KIF13B: variants seen among roughly 807,000 people sequenced by gnomAD.
KIF13B encodes kinesin-like protein KIF13B.
KIF13B carries 127 observed loss-of-function variants against 222.0 expected under a neutral mutation model. The ratio of observed to expected loss-of-function variants is 0.57; its 90% CI spans 0.50 to 0.66. KIF13B has a LOEUF of 0.66. KIF13B is among the 30% of genes least tolerant of loss of function. The pLI, the probability that KIF13B is intolerant of heterozygous loss-of-function variation, is 0.00. For missense variants in KIF13B, 2,173 were observed against 2,379.0 expected (o/e 0.91, Z 1.80); for synonymous variants, 976 against 919.0 (o/e 1.06, Z -1.12).
At chr8:29,105,650 G>GT (rs869030059) in intron 35 of KIF13B, among the ~76,000 whole-genome samples, 1,897 of 77,890 alleles carry the variant, frequency 0.024, 567 homozygotes, top group African/African-American at 0.064. Context: ...AGTTTGTTTG[G>GT]TTTTTTTTTT....
At chr8:29,183,875 G>C (rs1268871037) in intron 6 of KIF13B, among the ~76,000 whole-genome samples, 1 of 152,140 alleles carries the variant, frequency 6.6e-6, no homozygotes, top group East Asian at 1.9e-4. Context: ...TGAATGACTA[G>C]CACAGAAGCT....
chr8:29,115,146 A>G (rs989500257), intron 31 of KIF13B, among the ~76,000 whole-genome samples: 2 of 152,096 alleles, frequency 1.3e-5, no homozygotes. Context: ...TTAGGGGTGG[A>G]GATTACATCT....
intron 13 of KIF13B, among the ~76,000 whole-genome samples, chr8:29,158,391 CT>C (rs1421184988): frequency 1.3e-5 from 2 of 152,170 alleles, no homozygotes; most frequent in Non-Finnish European, 2.9e-5. Context: ...ATCTCAGTCT[CT>C]TTATTGATAG....
chr8:29,196,638 T>C (rs529478527), intron 2 of KIF13B, among the ~76,000 whole-genome samples: 1 of 152,324 alleles, frequency 6.6e-6, no homozygotes, highest in Non-Finnish European at 1.5e-5. Context: ...TACAAAACAA[T>C]GAATTCTATT....
chr8:29,105,897 G>T (rs1015189992), intron 35 of KIF13B, among the ~76,000 whole-genome samples: 9 of 151,984 alleles, frequency 5.9e-5, no homozygotes, highest in African/African-American at 1.9e-4. Flanking sequence ...GACCTCAGGT[G>T]ATCCACCTGC....
intron 10 of KIF13B, among the ~76,000 whole-genome samples, chr8:29,174,338 C>T (rs925479981): frequency 9.9e-5 from 15 of 152,000 alleles, no homozygotes; most frequent in African/African-American, 3.6e-4. Context: ...TTGCAGTTTG[C>T]TTGTTTTTCT....
intron 31 of KIF13B, among the ~76,000 whole-genome samples, chr8:29,115,220 G>C (rs927902480): frequency 6.6e-6 from 1 of 151,898 alleles, no homozygotes; most frequent in African/African-American, 2.4e-5. Flanking sequence ...ACTGGTTTTA[G>C]TCAGTGTATT....
At chr8:29,124,568 C>A (rs1233510303) in intron 26 of KIF13B, among the ~76,000 whole-genome samples, 3 of 151,638 alleles carry the variant, frequency 2.0e-5, no homozygotes, top group East Asian at 2.0e-4. Context: ...GCTAACACAG[C>A]GAAACCCTGT....
At chr8:29,169,932 A>G (rs143828865) in intron 10 of KIF13B, among the ~76,000 whole-genome samples, 10 of 152,356 alleles carry the variant, frequency 6.6e-5, no homozygotes, top group African/African-American at 2.4e-4. Flanking sequence ...ATTTGTAACG[A>G]TAACTACCAA....
At chr8:29,155,021 CAG>C (rs1357397524) in intron 14 of KIF13B, among the ~76,000 whole-genome samples, 1 of 152,142 alleles carries the variant, frequency 6.6e-6, no homozygotes, top group African/African-American at 2.4e-5. Flanking sequence ...AACTCTGTAA[CAG>C]GGGATAACAG....
rs529676673 is a variant in KIF13B at position 29,147,625 on chromosome 8, T to A, written c.1814-23A>T. Reference sequence around the variant, plus strand: ...GATCTAAACACATTTTTAAAAAAGATACATGATCGAGAGTTACAACATAAT... The same window carrying A: ...GATCTAAACACATTTTTAAAAAAGAAACATGATCGAGAGTTACAACATAAT... On this transcript the variant is annotated intron_variant, in intron 16 of 39. Coordinates refer to ENST00000524189, the MANE Select transcript of KIF13B (RefSeq NM_015254.4). The A allele has an allele frequency of 5.8e-5, 90 of 1,541,056 alleles. 2 individuals carry two copies. The African/African-American group carries it at 1.1e-3, about 18-fold the overall frequency.
In KIF13B at chr8:29,245,473, T is replaced by A. The variant is rs1344948671; in HGVS notation, c.56-34A>T. 2.1e-6 allele frequency: 3 copies of A among 1,459,066 alleles called. No individual in the cohort carries two copies. In the African/African-American group the frequency reaches 4.3e-5, roughly 21 times the overall value. 90.4% of individuals were successfully genotyped at this position (1,459,066 alleles called of 1,614,324 possible). On this transcript the variant is annotated intron_variant, in intron 1 of 39. Coordinates refer to ENST00000524189, the MANE Select transcript of KIF13B (RefSeq NM_015254.4). ...AAAAAAACAAGAAAAACAGTCATTT[T>A]AAAAAGTAATTTATTTCAGAAAAGG...
intron 37 of KIF13B, among the ~76,000 whole-genome samples, chr8:29,091,136 T>A (rs1808281800): frequency 6.6e-6 from 1 of 152,220 alleles, no homozygotes; most frequent in Non-Finnish European, 1.5e-5. Flanking sequence ...TAAAAATTGC[T>A]TATGAAATCT....
Position 29,155,741 on chromosome 8 carries a change from G to A in KIF13B, c.1520C>T (p.Pro507Leu). The A allele has an allele frequency of 1.2e-6, 2 of 1,605,578 alleles. No individual in the cohort carries two copies. Among genetic ancestry groups the A allele is most frequent in the Non-Finnish European group, 1.7e-6 (2 of 1,175,464 alleles). ...ITSEGQVMLT[P>L]QKNTRTFVNG... is the part of the protein sequence containing the mutation. ...AGTATGTTACCTGGTGTTCTTCTGAGGAGTCAGCATAACCTGGCCTTCTGA... is the reference window on the plus strand; with the variant it reads ...AGTATGTTACCTGGTGTTCTTCTGAAGAGTCAGCATAACCTGGCCTTCTGA... The change falls in exon 14 of 40, where the codon CCT becomes CTT. Residue 507 changes from proline (P) to leucine (L), a missense_variant. Transcript: ENST00000524189.
At chr8:29,111,744 C>T (rs988929730) in intron 32 of KIF13B, among the ~76,000 whole-genome samples, 2 of 152,210 alleles carry the variant, frequency 1.3e-5, no homozygotes, top group Admixed American at 1.3e-4. Context: ...CAGTTTCCTA[C>T]AGCCATCACC....
chr8:29,185,833 G>A (rs940833414), intron 6 of KIF13B, among the ~76,000 whole-genome samples: 1 of 152,162 alleles, frequency 6.6e-6, no homozygotes, highest in East Asian at 1.9e-4. Context: ...AAACTCTGTG[G>A]AATGAACAGA....
At chr8:29,175,860 C>T (rs1812454454) in intron 10 of KIF13B, among the ~76,000 whole-genome samples, 1 of 152,180 alleles carries the variant, frequency 6.6e-6, no homozygotes, top group Non-Finnish European at 1.5e-5. Flanking sequence ...CCCACTGCAT[C>T]CAGGTTCTAG....
chr8:29,107,758 C>T (rs1027841839), intron 35 of KIF13B, among the ~76,000 whole-genome samples: 11 of 151,938 alleles, frequency 7.2e-5, no homozygotes, highest in African/African-American at 1.2e-4. Context: ...GACGGGGTTT[C>T]ACCGTGTTAG....
Position 29,087,617 on chromosome 8 carries a change from C to A in KIF13B, c.4458+5128G>T, listed in dbSNP as rs184962868. Among the ~76,000 whole-genome samples the A allele has an allele frequency of 1.8e-3, 279 of 152,316 alleles. 2 individuals carry two copies. The highest frequency in any genetic ancestry group is 5.2e-3 in the South Asian group (25 of 4,828). On this transcript the variant is annotated intron_variant, in intron 37 of 39. Transcript: ENST00000524189. ...AACACCTTTCAAAAGCAAGCCCACC[C>A]AAGCGCAGTTCCACGCTGCGTCGGT...
Sources: gnomAD v4.1 joint callset for allele counts (sites outside exome capture counted in the v4.1 genomes callset) on GRCh38, gnomAD v4.1.1 for gene constraint, MANE v1.5 for transcripts, NCBI Gene and HGNC (gene_info 2026-07-23, HGNC 2026-07-21) for gene names.